GJC1: variants seen among roughly 807,000 people sequenced by gnomAD.
GJC1 encodes gap junction gamma-1 protein.
In GJC1, 5 loss-of-function variants were observed where a neutral mutation model predicts 29.3. That is an observed-to-expected ratio of 0.17 (90% confidence interval 0.09 to 0.36). The LOEUF is 0.36. GJC1 is among the 10% of genes least tolerant of loss of function. GJC1 has a pLI of 1.00. For missense variants in GJC1, 310 were observed against 496.2 expected (o/e 0.62, Z 3.56); for synonymous variants, 177 against 183.3 (o/e 0.97, Z 0.28).
intron 1 of GJC1, among the ~76,000 whole-genome samples, chr17:44,809,992 G>A (rs759201718): frequency 1.7e-4 from 26 of 151,980 alleles, no homozygotes; most frequent in Non-Finnish European, 2.4e-4. Context: ...CCGAGCAGCT[G>A]GGACAACAGG....
chr17:44,808,079 T>C (rs2049932049), intron 1 of GJC1, among the ~76,000 whole-genome samples: 1 of 152,224 alleles, frequency 6.6e-6, no homozygotes, highest in Non-Finnish European at 1.5e-5. Flanking sequence ...TTGCTCATTA[T>C]TAAGCTCTGG....
Position 44,810,179 on chromosome 17 carries a change from A to G in GJC1, c.-96-2710T>C, listed in dbSNP as rs112998746. Among the ~76,000 whole-genome samples, 447 of 151,204 alleles carry G rather than the reference A, an allele frequency of 3.0e-3. 3 individuals are homozygous for G. Among genetic ancestry groups the G allele is most frequent in the African/African-American group, 0.01 (420 of 41,226 alleles). On this transcript the variant is annotated intron_variant, in intron 1 of 2. Coordinates refer to ENST00000592524, the MANE Select transcript of GJC1 (RefSeq NM_005497.4). ...GCCCAGCTAATTTTGTATTTTTAGT[A>G]GAGACGAGGTTATCACCATGTTGGC...
rs2049906928 is a variant in GJC1, at chr17:44,805,822, A to C, written c.-5T>G. On this transcript the variant is annotated 5_prime_UTR_variant, in exon 3 of 3. Coordinates refer to ENST00000592524, the MANE Select transcript of GJC1 (RefSeq NM_005497.4). The surrounding 1 kb of genome is among the most constrained non-coding windows in gnomAD (Gnocchi z 5.1). ...AGTCAGGAAGCTCCAACTCATGGTG[A>C]TTGAATTGGTATGCCCTGATAAAAG... 1 of 1,557,280 alleles carries C rather than the reference A, an allele frequency of 6.4e-7. No individual in the cohort carries two copies. The highest frequency in any genetic ancestry group is 1.7e-5 in the Admixed American group (1 of 58,618).
chr17:44,816,006 G>A (rs972427718), intron 1 of GJC1, among the ~76,000 whole-genome samples: 3 of 150,920 alleles, frequency 2.0e-5, no homozygotes, highest in South Asian at 2.1e-4. Context: ...CCAGCTACTC[G>A]GGAGGCTGAG....
chr17:44,797,143 T>TC, downstream of GJC1, among the ~76,000 whole-genome samples: 1 of 152,166 alleles, frequency 6.6e-6, no homozygotes, highest in South Asian at 2.1e-4. Context: ...CCTAGCTCTG[T>TC]TGCCCAGGCT....
chr17:44,823,356 A>G (rs1478867237), intron 1 of GJC1, among the ~76,000 whole-genome samples: 1 of 146,170 alleles, frequency 6.8e-6, no homozygotes, highest in Non-Finnish European at 1.5e-5. Context: ...GGTTCAAGTG[A>G]TTCTCCTGTC....
intron 1 of GJC1, among the ~76,000 whole-genome samples, chr17:44,821,736 ACAC>A (rs2050111155): frequency 6.7e-6 from 1 of 150,048 alleles, no homozygotes; most frequent in African/African-American, 2.5e-5. Context: ...CAACAAAAAA[ACAC>A]CAACACCCAT....
At chr17:44,821,712 AAAAAAAAAAAAAAC>A (rs2050109048) in intron 1 of GJC1, among the ~76,000 whole-genome samples, 5 of 148,650 alleles carry the variant, frequency 3.4e-5, no homozygotes, top group Admixed American at 2.0e-4. Context: ...AAAAAAAAAA[AAAAAAAAAAAAAAC>A]AACAAAAAAA....
chr17:44,818,388 T>G (rs2050067570), intron 1 of GJC1, among the ~76,000 whole-genome samples: 1 of 152,088 alleles, frequency 6.6e-6, no homozygotes, highest in South Asian at 2.1e-4. Flanking sequence ...CAAAAATGAT[T>G]TATTTATTTA....
At chr17:44,796,406 G>A (rs1246150322), downstream of GJC1, among the ~76,000 whole-genome samples, 3 of 152,146 alleles carry the variant, frequency 2.0e-5, no homozygotes, top group Non-Finnish European at 4.4e-5. Context: ...GAACCCAGAG[G>A]AGTCCCTGGA....
intron 1 of GJC1, among the ~76,000 whole-genome samples, chr17:44,826,284 G>A (rs2050175855): frequency 6.6e-6 from 1 of 152,092 alleles, no homozygotes; most frequent in Non-Finnish European, 1.5e-5. Flanking sequence ...TGTAACCCCA[G>A]CATTTTGGGA....
intron 1 of GJC1, among the ~76,000 whole-genome samples, chr17:44,823,248 GTT>G (rs10710605): frequency 9.2e-4 from 108 of 117,768 alleles, no homozygotes; most frequent in East Asian, 4.2e-3. Flanking sequence ...TTTCTTTCCT[GTT>G]TTTTTTTTTT....
chr17:44,806,040 AAGGCG>A (rs2049909443), intron 2 of GJC1, among the ~76,000 whole-genome samples: 1 of 152,130 alleles, frequency 6.6e-6, no homozygotes, highest in Non-Finnish European at 1.5e-5. Context: ...TTGGGAGGCC[AAGGCG>A]GGCAGATTAG....
chr17:44,825,932 T>G (rs2050170372), intron 1 of GJC1, among the ~76,000 whole-genome samples: 1 of 152,148 alleles, frequency 6.6e-6, no homozygotes, highest in Non-Finnish European at 1.5e-5. Flanking sequence ...TTCTTTCTTT[T>G]TATTTTGAGA....
At chr17:44,821,979 C>A (rs897407009) in intron 1 of GJC1, among the ~76,000 whole-genome samples, 5 of 151,514 alleles carry the variant, frequency 3.3e-5, no homozygotes, top group Non-Finnish European at 5.9e-5. Context: ...AGGTGGATCA[C>A]AAGGTCAGGA....
Position 44,805,470 on chromosome 17 carries a change from G to C in GJC1, c.348C>G (p.Pro116=). ...EADKKAARSK[P]YAMRWKQHRA... ...GGTGTTGTTTCCAGCGCATTGCATA[G>C]GGCTTGCTCCGAGCTGCCTTCTTGT... Residue 116 remains proline (P), a synonymous_variant, in exon 3 of 3, where the codon CCC becomes CCG. Coordinates refer to ENST00000592524, the MANE Select transcript of GJC1 (RefSeq NM_005497.4). This position sits in a 1 kb window ranked among gnomAD's most constrained non-coding sequence, Gnocchi z 5.1. The C allele has an allele frequency of 1.2e-6, 2 of 1,614,114 alleles. No homozygotes were observed. Among genetic ancestry groups the C allele is most frequent in the Non-Finnish European group, 1.7e-6 (2 of 1,180,010 alleles).
Position 44,800,906 on chromosome 17 carries a change from T to C in GJC1, c.*3721A>G, listed in dbSNP as rs2049835957. The C allele has an allele frequency of 6.7e-6, 1 of 149,898 alleles. No individual in the cohort carries two copies. The highest frequency in any genetic ancestry group is 2.5e-5 in the African/African-American group (1 of 40,484). 9.3% of individuals were successfully genotyped at this position (149,898 alleles called of 1,614,324 possible). A position where few individuals can be genotyped will look rare whatever the true frequency, so the allele number is the denominator to read the frequency against. Reference sequence around the variant, plus strand: ...AACATTTCTTTAGGGGAAAATGCTATCTAATTTTCCCCTCGTTTGAATTAA... The same window carrying C: ...AACATTTCTTTAGGGGAAAATGCTACCTAATTTTCCCCTCGTTTGAATTAA... On this transcript the variant is annotated 3_prime_UTR_variant, in exon 3 of 3. Coordinates refer to ENST00000592524, the MANE Select transcript of GJC1 (RefSeq NM_005497.4).
At chr17:44,816,300 G>A (rs1447596188) in intron 1 of GJC1, among the ~76,000 whole-genome samples, 1 of 151,778 alleles carries the variant, frequency 6.6e-6, no homozygotes, top group Non-Finnish European at 1.5e-5. Flanking sequence ...GCTATTTTTA[G>A]TCTATTTTCC....
intron 1 of GJC1, among the ~76,000 whole-genome samples, chr17:44,808,844 G>A (rs539064097): frequency 2.2e-4 from 33 of 152,200 alleles, no homozygotes; most frequent in Middle Eastern, 3.4e-3. Context: ...TTGGGAAGCC[G>A]AGGTGGGTGG....
Sources: gnomAD v4.1 joint callset for allele counts (sites outside exome capture counted in the v4.1 genomes callset) on GRCh38, gnomAD v4.1.1 for gene constraint, Gnocchi (gnomAD v3.1) non-coding constraint, MANE v1.5 for transcripts, NCBI Gene and HGNC (gene_info 2026-07-23, HGNC 2026-07-21) for gene names.